TSHZ2: variants seen among roughly 807,000 people sequenced by gnomAD.
TSHZ2 encodes teashirt zinc finger homeobox 2.
In TSHZ2, 21 loss-of-function variants were observed where a neutral mutation model predicts 74.4. The ratio of observed to expected loss-of-function variants is 0.28; its 90% CI spans 0.20 to 0.41. The LOEUF (loss-of-function observed/expected upper bound fraction) is 0.41. TSHZ2 is among the 10% of genes least tolerant of loss of function. The pLI is 1.00. For missense variants in TSHZ2, 1,244 were observed against 1,293.5 expected, an observed-to-expected ratio of 0.96 and a Z score of 0.59; for synonymous variants, 540 against 515.3, an observed-to-expected ratio of 1.05 and a Z score of -0.65.
At chr20:53,441,221 G>GTTTATTTTATTTTAT (rs11472706) in intron 2 of TSHZ2, among the ~76,000 whole-genome samples, 2,517 of 125,748 alleles carry the variant, frequency 0.02, 45 homozygotes, top group South Asian at 0.069. Context: ...TTATTTATTT[G>GTTTATTTTATTTTAT]TTTATTTTAT....
chr20:53,254,181 A>G lies in TSHZ2; in HGVS notation c.723A>G (p.Gln241=), dbSNP rs781748778. Residue 241 remains glutamine (Q), a synonymous_variant, in exon 2 of 3, where the codon CAA becomes CAG. Coordinates refer to ENST00000371497, the MANE Select transcript of TSHZ2 (RefSeq NM_173485.6). ...TVHMNETGHY[Q]DDNRKKDKLR... ...ACATGAATGAAACGGGCCACTATCA[A>G]GATGACAACCGCAAAAAGGACAAGC... is the stretch of plus-strand genomic sequence containing the variant. 1 of 1,614,202 alleles carries G rather than the reference A, an allele frequency of 6.2e-7. No homozygotes were observed. Among genetic ancestry groups the G allele is most frequent in the Non-Finnish European group, 8.5e-7 (1 of 1,180,040 alleles).
chr20:53,034,514 A>G (rs994030872), intron 1 of TSHZ2, among the ~76,000 whole-genome samples: 2 of 152,228 alleles, frequency 1.3e-5, no homozygotes, highest in Non-Finnish European at 2.9e-5. Flanking sequence ...CTGGACAATA[A>G]ATAACCATGA....
At chr20:53,036,737 ATATT>A (rs1472123796) in intron 1 of TSHZ2, among the ~76,000 whole-genome samples, 4 of 147,898 alleles carry the variant, frequency 2.7e-5, no homozygotes, top group Non-Finnish European at 6.0e-5. Context: ...TTTATAATAT[ATATT>A]ATATAATTAT....
chr20:53,029,447 G>A (rs1246916584), intron 1 of TSHZ2, among the ~76,000 whole-genome samples: 1 of 152,154 alleles, frequency 6.6e-6, no homozygotes, highest in South Asian at 2.1e-4. Context: ...AGGCTGAGGC[G>A]GGCAGATTAT....
intron 1 of TSHZ2, among the ~76,000 whole-genome samples, chr20:53,096,610 C>T (rs543666105): frequency 6.7e-5 from 10 of 149,140 alleles, no homozygotes; most frequent in South Asian, 2.3e-4. Flanking sequence ...CGGCCAGGCG[C>T]GGTGGCTCAC....
rs71897861 is a variant in TSHZ2 at position 53,050,103 on chromosome 20, G to GTA, written c.40+76791_40+76792dup. 4.6e-3 allele frequency among the ~76,000 whole-genome samples: 533 copies of GTA among 116,008 alleles called. 8 individuals are homozygous for GTA. The highest frequency in any genetic ancestry group is 8.9e-3 in the Middle Eastern group (2 of 224). 76.1% of individuals were successfully genotyped at this position (116,008 alleles called of 152,430 possible). A position where few individuals can be genotyped will look rare whatever the true frequency, so the allele number is the denominator to read the frequency against. The stretch of plus-strand genomic sequence containing the variant: ...CTCAAAAAAAAAAATGTATATGTGT[G>GTA]TATATATATATATATATATATACAC... On this transcript the variant is annotated intron_variant, in intron 1 of 2. Transcript: ENST00000371497.
chr20:53,471,768 G>GT (rs1488537673), intron 2 of TSHZ2, among the ~76,000 whole-genome samples: 3 of 134,606 alleles, frequency 2.2e-5, no homozygotes, highest in Non-Finnish European at 3.2e-5. Context: ...AAACAAGTTT[G>GT]TCTTTTTTCT....
chr20:53,368,636 G>T, intron 2 of TSHZ2, among the ~76,000 whole-genome samples: 1 of 152,104 alleles, frequency 6.6e-6, no homozygotes, highest in East Asian at 1.9e-4. Flanking sequence ...ATCACATGAT[G>T]TTATCCAAGG....
intron 2 of TSHZ2, among the ~76,000 whole-genome samples, chr20:53,280,204 T>C (rs1215377030): frequency 6.6e-6 from 1 of 152,158 alleles, no homozygotes; most frequent in Admixed American, 6.5e-5. Context: ...CTTGAAGACC[T>C]CAGGCATATG....
At chr20:53,145,652 A>T (rs1987522602) in intron 1 of TSHZ2, among the ~76,000 whole-genome samples, 1 of 152,186 alleles carries the variant, frequency 6.6e-6, no homozygotes, top group South Asian at 2.1e-4. Context: ...ATGCTGGGGT[A>T]GTTTTTAACC....
intron 1 of TSHZ2, among the ~76,000 whole-genome samples, chr20:52,985,233 C>G (rs1923104): frequency 6.6e-6 from 1 of 151,772 alleles, no homozygotes; most frequent in Non-Finnish European, 1.5e-5. Flanking sequence ...CATCTCGGTG[C>G]GACCTCAGGC....
At chr20:53,184,868 T>C (rs1988563872) in intron 1 of TSHZ2, among the ~76,000 whole-genome samples, 1 of 152,062 alleles carries the variant, frequency 6.6e-6, no homozygotes, top group African/African-American at 2.4e-5. Context: ...CCACCATGCC[T>C]TGTTAATTTT....
At chr20:53,103,431 G>A (rs1328670898) in intron 1 of TSHZ2, among the ~76,000 whole-genome samples, 1 of 152,150 alleles carries the variant, frequency 6.6e-6, no homozygotes, top group Non-Finnish European at 1.5e-5. Context: ...ATACATATGT[G>A]TGCATTGATT....
intron 2 of TSHZ2, among the ~76,000 whole-genome samples, chr20:53,325,387 A>G (rs1048207787): frequency 4.6e-5 from 7 of 152,218 alleles, no homozygotes; most frequent in African/African-American, 1.7e-4. Flanking sequence ...GTGGAGAGGC[A>G]GTGATGGGTT....
intron 2 of TSHZ2, among the ~76,000 whole-genome samples, chr20:53,277,906 G>C (rs1183807924): frequency 6.6e-6 from 1 of 152,172 alleles, no homozygotes; most frequent in African/African-American, 2.4e-5. Context: ...GCTTGGGGAA[G>C]AATGACCTCA....
intron 2 of TSHZ2, among the ~76,000 whole-genome samples, chr20:53,375,247 A>G (rs930819276): frequency 1.3e-5 from 2 of 152,234 alleles, no homozygotes; most frequent in Non-Finnish European, 2.9e-5. Flanking sequence ...ATGATTGCAG[A>G]TTGAAAAACA....
chr20:53,013,102 G>A (rs897554308), intron 1 of TSHZ2, among the ~76,000 whole-genome samples: 1 of 152,098 alleles, frequency 6.6e-6, no homozygotes, highest in African/African-American at 2.4e-5. Flanking sequence ...TGTGATTGGA[G>A]TTTTAGTATA....
At chr20:53,287,835 A>T (rs985429335) in intron 2 of TSHZ2, among the ~76,000 whole-genome samples, 3 of 152,214 alleles carry the variant, frequency 2.0e-5, no homozygotes, top group Non-Finnish European at 2.9e-5. Flanking sequence ...TTGAGTTTTT[A>T]AAACTTTTAA....
chr20:53,190,996 G>C (rs554714939), intron 1 of TSHZ2, among the ~76,000 whole-genome samples: 23 of 152,228 alleles, frequency 1.5e-4, no homozygotes, highest in African/African-American at 5.3e-4. Context: ...GAATGCTAAA[G>C]AAAAAGAAGG....
Sources: allele counts gnomAD v4.1 joint callset (sites outside exome capture counted in the v4.1 genomes callset), GRCh38; gene constraint gnomAD v4.1.1; transcripts MANE v1.5; gene names NCBI Gene and HGNC (gene_info 2026-07-23, HGNC 2026-07-21).